Variants in FER1L6 observed in about 807,000 individuals in gnomAD.
FER1L6 encodes the protein fer-1 like family member 6.
A neutral mutation model predicts 219.2 loss-of-function variants in FER1L6; 177 were observed. That is an observed-to-expected ratio of 0.81 (90% CI 0.71 to 0.91). FER1L6 has a LOEUF of 0.91. FER1L6 is among the 40% of genes least tolerant of loss of function. The pLI, the probability that FER1L6 is intolerant of heterozygous loss-of-function variation, is 0.00. For synonymous variants in FER1L6, 768 were observed against 824.3 expected, an observed-to-expected ratio of 0.93 and a Z score of 1.17; for missense variants, 2,153 against 2,259.9, an observed-to-expected ratio of 0.95 and a Z score of 0.96.
chr8:124,082,419 AAC>A lies in FER1L6; in HGVS notation c.4355_4356del (p.His1452ProfsTer11). ...GACCTGGAGAACCGCTTCTACAGCAAACACCGAGCCATCTGTGGCTTGCAGAG... is the reference window on the plus strand; with the variant it reads ...GACCTGGAGAACCGCTTCTACAGCAAACCGAGCCATCTGTGGCTTGCAGAG... On this transcript the variant is annotated frameshift_variant, in exon 33 of 41. Transcript: ENST00000522917. LOFTEE classifies it high-confidence loss of function. 6.2e-7 allele frequency: 1 copy of A among 1,614,064 alleles called. No homozygotes were observed.
rs1171928535 is a variant in FER1L6, at chr8:124,119,830, C to T, written c.*40C>T. The T allele has an allele frequency of 3.1e-6, 5 of 1,596,706 alleles. No homozygotes were observed. Among genetic ancestry groups the T allele is most frequent in the Non-Finnish European group, 4.3e-6 (5 of 1,171,226 alleles). On this transcript the variant is annotated 3_prime_UTR_variant, in exon 41 of 41. Transcript: ENST00000522917. ...CCCAGATCCTCGCCATATACTAATC[C>T]TCTCTTCCTTATCTGGGAGCATCTA...
At chr8:124,020,273 C>G (rs1818402400) in intron 16 of FER1L6, among the ~76,000 whole-genome samples, 1 of 152,170 alleles carries the variant, frequency 6.6e-6, no homozygotes, top group African/African-American at 2.4e-5. Flanking sequence ...AAACCTCTTT[C>G]CTTTATAAAT....
At chr8:123,869,479 C>T (rs1465579043) in intron 1 of FER1L6, among the ~76,000 whole-genome samples, 1 of 152,116 alleles carries the variant, frequency 6.6e-6, no homozygotes, top group Non-Finnish European at 1.5e-5. Flanking sequence ...CCATTTCATC[C>T]TGTATTATCT....
At chr8:123,906,248 C>T (rs1812950498) in intron 1 of FER1L6, among the ~76,000 whole-genome samples, 1 of 152,162 alleles carries the variant, frequency 6.6e-6, no homozygotes, top group South Asian at 2.1e-4. Flanking sequence ...GGCCAATTCT[C>T]AGTTAGATGC....
rs545834748 is a variant in FER1L6, at chr8:123,977,692, C to G, written c.1063+83C>G. Reference sequence around the variant, plus strand: ...CATCTTTAAAAGGGGTGGGCTAGAGCAGCAGTCCCCAGCCTTTCTGGCACC... The same window carrying G: ...CATCTTTAAAAGGGGTGGGCTAGAGGAGCAGTCCCCAGCCTTTCTGGCACC... On this transcript the variant is annotated intron_variant, in intron 10 of 40. Coordinates refer to ENST00000522917, the MANE Select transcript of FER1L6 (RefSeq NM_001039112.2). 31 of 1,215,924 alleles carry G rather than the reference C, an allele frequency of 2.5e-5. No homozygotes were observed. The Admixed American group carries it at 3.9e-4, about 15-fold the overall frequency. 75.3% of individuals were successfully genotyped at this position (1,215,924 alleles called of 1,614,324 possible).
intron 32 of FER1L6, among the ~76,000 whole-genome samples, chr8:124,079,927 G>A (rs1203198486): frequency 1.3e-5 from 2 of 152,104 alleles, no homozygotes; most frequent in African/African-American, 4.8e-5. Flanking sequence ...CCCCAGACAG[G>A]TGTACTAGTA....
At chr8:123,935,796 CAATAGACCAACTATAAG>C (rs746906238) in intron 1 of FER1L6, among the ~76,000 whole-genome samples, 74 of 152,188 alleles carry the variant, frequency 4.9e-4, no homozygotes, top group Non-Finnish European at 9.6e-4. Context: ...ATGATGAGAG[CAATAGACCAACTATAAG>C]ATTCTGTTTG....
intron 13 of FER1L6, among the ~76,000 whole-genome samples, chr8:124,005,112 T>A (rs768826210): frequency 6.6e-6 from 1 of 152,134 alleles, no homozygotes; most frequent in African/African-American, 2.4e-5. Context: ...TATACAGATA[T>A]GCCATTTAAA....
intron 1 of FER1L6, among the ~76,000 whole-genome samples, chr8:123,901,768 G>T (rs994400579): frequency 1.3e-5 from 2 of 151,848 alleles, no homozygotes; most frequent in Non-Finnish European, 2.9e-5. Flanking sequence ...GCCCAGTTTG[G>T]AGTGCAGTGG....
chr8:123,981,065 G>A (rs553386962), intron 11 of FER1L6, among the ~76,000 whole-genome samples: 1 of 152,254 alleles, frequency 6.6e-6, no homozygotes, highest in Admixed American at 6.5e-5. Flanking sequence ...CAAGTAAAGA[G>A]AAATAAAAGT....
chr8:124,100,465 T>A (rs1822499561), intron 37 of FER1L6, among the ~76,000 whole-genome samples: 1 of 152,166 alleles, frequency 6.6e-6, no homozygotes, highest in East Asian at 1.9e-4. Flanking sequence ...ACAGGGAGGT[T>A]AGATAACTTA....
chr8:124,046,048 A>G (rs1336069261), intron 21 of FER1L6, 147 bp downstream of exon 21: 1 of 837,392 alleles, frequency 1.2e-6, no homozygotes, highest in African/African-American at 1.7e-5. Flanking sequence ...GACCTCTGAA[A>G]ACAGTTCACA....
intron 32 of FER1L6, among the ~76,000 whole-genome samples, chr8:124,076,788 T>C (rs111992284): frequency 2.6e-5 from 4 of 152,148 alleles, no homozygotes; most frequent in Non-Finnish European, 2.9e-5. Context: ...GATGACACAA[T>C]TGGAGAATAA....
rs751596489 is a variant in FER1L6 at position 124,097,348 on chromosome 8, G to A, written c.4773G>A (p.Arg1591=). ...QPGPPVDISP[R]RPKGYELRVT... ...GACCTCCTGTTGACATCTCTCCAAG[G>A]CGACCCAAAGGGTATGTCAGCTGTA... The change falls in exon 36 of 41, where the codon AGG becomes AGA. Residue 1591 remains arginine (R), a synonymous_variant. Transcript: ENST00000522917. The A allele has an allele frequency of 1.5e-5, 24 of 1,612,076 alleles. 1 individual carries two copies. The South Asian group carries it at 2.6e-4, about 18-fold the overall frequency.
chr8:123,990,679 A>G (rs965243944), intron 12 of FER1L6, among the ~76,000 whole-genome samples: 6 of 151,284 alleles, frequency 4.0e-5, no homozygotes, highest in Admixed American at 6.6e-5. Context: ...TTGTCTGTTT[A>G]CTCTGATTAT....
At chr8:123,893,786 C>A (rs893326951) in intron 1 of FER1L6, among the ~76,000 whole-genome samples, 5 of 152,148 alleles carry the variant, frequency 3.3e-5, no homozygotes, top group African/African-American at 1.2e-4. Flanking sequence ...GATAATCAAG[C>A]CAAGTATGTG....
chr8:124,099,280 T>C (rs781312159), intron 37 of FER1L6, among the ~76,000 whole-genome samples: 1 of 152,212 alleles, frequency 6.6e-6, no homozygotes, highest in South Asian at 2.1e-4. Flanking sequence ...CTGTTCCCGA[T>C]GTGTAGATTC....
chr8:124,118,834 C>CT lies in FER1L6; in HGVS notation c.5290-5dup, dbSNP rs1563811051. The CT allele has an allele frequency of 6.2e-7, 1 of 1,613,104 alleles. No homozygotes were observed. Among genetic ancestry groups the CT allele is most frequent in the East Asian group, 2.2e-5 (1 of 44,890 alleles). The stretch of plus-strand genomic sequence containing the variant: ...TGACTGGAAACAAAAGGTTTTGCAT[C>CT]TTTTTGCAGGGCAAGGTTGAAGCTG... On this transcript the variant is annotated splice_polypyrimidine_tract_variant and intron_variant, in intron 39 of 40. Coordinates refer to ENST00000522917, the MANE Select transcript of FER1L6 (RefSeq NM_001039112.2).
intron 35 of FER1L6, among the ~76,000 whole-genome samples, chr8:124,096,749 G>A (rs1380714440): frequency 6.6e-6 from 1 of 152,162 alleles, no homozygotes; most frequent in African/African-American, 2.4e-5. Context: ...CAGAGATAAT[G>A]AAGGTAAAGG....
Sources: gnomAD v4.1 joint callset for allele counts (sites outside exome capture counted in the v4.1 genomes callset) on GRCh38, gnomAD v4.1.1 for gene constraint, MANE v1.5 for transcripts, NCBI Gene and HGNC (gene_info 2026-07-23, HGNC 2026-07-21) for gene names.